The following CRTAC1 variants were observed in gnomAD, a reference collection of about 807,000 sequenced individuals.
CRTAC1 encodes the protein cartilage acidic protein 1.
A neutral mutation model predicts 67.8 loss-of-function variants in CRTAC1; 37 were observed. That is an observed-to-expected ratio of 0.55 (90% CI 0.42 to 0.72). The LOEUF is 0.72. Ranked by LOEUF, CRTAC1 falls within the 30% of genes least tolerant of loss-of-function variation. The pLI is 0.00. For synonymous variants in CRTAC1, 348 were observed against 371.0 expected, an observed-to-expected ratio of 0.94 and a Z score of 0.71; for missense variants, 780 against 931.6, an observed-to-expected ratio of 0.84 and a Z score of 2.12.
chr10:97,944,603 T>C (rs2051234973), intron 2 of CRTAC1, among the ~76,000 whole-genome samples: 1 of 152,194 alleles, frequency 6.6e-6, no homozygotes, highest in Non-Finnish European at 1.5e-5. Context: ...CTTTCTTCTC[T>C]GTATGCATGT....
chr10:97,996,905 GA>G (rs911722103), intron 2 of CRTAC1, among the ~76,000 whole-genome samples: 1 of 151,768 alleles, frequency 6.6e-6, no homozygotes, highest in African/African-American at 2.4e-5. Flanking sequence ...TATGCAGCCA[GA>G]AAAAAATGAT....
chr10:97,935,391 G>A (rs750530704), intron 3 of CRTAC1, among the ~76,000 whole-genome samples: 14 of 152,112 alleles, frequency 9.2e-5, no homozygotes, highest in East Asian at 1.9e-4. Flanking sequence ...ATCAATTTCC[G>A]TCATCCATTC....
chr10:98,006,577 G>A (rs1842795686), intron 2 of CRTAC1, among the ~76,000 whole-genome samples: 1 of 152,086 alleles, frequency 6.6e-6, no homozygotes, highest in African/African-American at 2.4e-5. Flanking sequence ...CCCGCAACAA[G>A]CTCAAAATCA....
At chr10:97,988,621 G>A (rs981783625) in intron 2 of CRTAC1, among the ~76,000 whole-genome samples, 1 of 152,210 alleles carries the variant, frequency 6.6e-6, no homozygotes, top group East Asian at 1.9e-4. Flanking sequence ...TCGGGAGGCT[G>A]AGGCAAGAGA....
At chr10:98,008,794 G>A (rs1842849685) in intron 2 of CRTAC1, among the ~76,000 whole-genome samples, 1 of 152,140 alleles carries the variant, frequency 6.6e-6, no homozygotes, top group South Asian at 2.1e-4. Context: ...CAACTTGGGG[G>A]GCGAGGAGGA....
At chr10:97,965,046 C>T (rs998656449) in intron 2 of CRTAC1, among the ~76,000 whole-genome samples, 12 of 152,074 alleles carry the variant, frequency 7.9e-5, no homozygotes, top group African/African-American at 2.4e-4. Context: ...TGGAAGGTGA[C>T]GCTGATGGGC....
intron 1 of CRTAC1, among the ~76,000 whole-genome samples, chr10:98,013,005 A>G (rs565536061): frequency 7.2e-5 from 11 of 152,360 alleles, no homozygotes; most frequent in Middle Eastern, 3.4e-3. Flanking sequence ...GAAACTCATA[A>G]TTGGATTAAT....
intron 14 of CRTAC1, among the ~76,000 whole-genome samples, chr10:97,876,158 T>A (rs17108650): frequency 2.0e-5 from 3 of 152,030 alleles, no homozygotes; most frequent in African/African-American, 7.3e-5. Context: ...CAATTCACCA[T>A]CCCAAATGAA....
chr10:97,936,044 G>C (rs905617069), intron 3 of CRTAC1, 126 bp downstream of exon 3: 4 of 845,394 alleles, frequency 4.7e-6, no homozygotes, highest in South Asian at 1.9e-5. Flanking sequence ...GTGGCAGCAG[G>C]GGGCAGTGCC....
chr10:97,973,361 G>C (rs1049538481), intron 2 of CRTAC1, among the ~76,000 whole-genome samples: 14 of 152,046 alleles, frequency 9.2e-5, no homozygotes, highest in Non-Finnish European at 1.3e-4. Flanking sequence ...CTGTGGAAAT[G>C]CTCTTTTTCG....
chr10:97,904,780 G>A lies in CRTAC1; in HGVS notation c.885C>T (p.Val295=), dbSNP rs750926336. Residue 295 remains valine, a synonymous_variant, in exon 7 of 15, where the codon GTC becomes GTT. Coordinates refer to ENST00000370597, the MANE Select transcript of CRTAC1 (RefSeq NM_018058.7). ...VDDPHQHGRG[V]ALADFNRDGK... is the part of the protein sequence containing the mutation. ...CATCACGGTTGAAGTCAGCCAGGGC[G>A]ACACCTCGCCCATGCTGGTGGGGGT... 11 of 1,603,586 alleles carry A rather than the reference G, an allele frequency of 6.9e-6. No individual in the cohort carries two copies. The highest frequency in any genetic ancestry group is 1.1e-5 in the South Asian group (1 of 89,422).
chr10:97,880,340 T>C lies in CRTAC1; in HGVS notation c.1728A>G (p.Val576=), dbSNP rs1208840608. The change falls in exon 14 of 15, where the codon GTA becomes GTG. Residue 576 remains valine, a synonymous_variant. Coordinates refer to ENST00000370597, the MANE Select transcript of CRTAC1 (RefSeq NM_018058.7). Reference sequence around the variant, plus strand: ...TGTAGCTTCCATAGGTGTTGACACATACGGGCTTGTCTCGAGGGCACACGA... The same window carrying C: ...TGTAGCTTCCATAGGTGTTGACACACACGGGCTTGTCTCGAGGGCACACGA... ...FPFVCPRDKP[V]CVNTYGSYRC... 1 of 1,614,092 alleles carries C rather than the reference T, an allele frequency of 6.2e-7. No homozygotes were observed. The highest frequency in any genetic ancestry group is 8.5e-7 in the Non-Finnish European group (1 of 1,180,016).
intron 13 of CRTAC1, among the ~76,000 whole-genome samples, chr10:97,882,102 T>C (rs2136539307): frequency 6.6e-6 from 1 of 152,332 alleles, no homozygotes; most frequent in East Asian, 1.9e-4. Context: ...AATGAGCAGC[T>C]GCAGAGTAGA....
At chr10:97,999,363 C>A (rs888533282) in intron 2 of CRTAC1, among the ~76,000 whole-genome samples, 42 of 152,240 alleles carry the variant, frequency 2.8e-4, no homozygotes, top group Non-Finnish European at 5.7e-4. Context: ...CTGTTGGCAC[C>A]TGCTTTAATC....
At chr10:97,924,910 G>A (rs2050891330) in intron 3 of CRTAC1, among the ~76,000 whole-genome samples, 2 of 152,176 alleles carry the variant, frequency 1.3e-5, no homozygotes, top group Non-Finnish European at 2.9e-5. Context: ...GAGTGAATGT[G>A]TGTGTGGATG....
At chr10:98,018,752 GA>G (rs1843056454) in intron 1 of CRTAC1, among the ~76,000 whole-genome samples, 1 of 152,132 alleles carries the variant, frequency 6.6e-6, no homozygotes, top group Non-Finnish European at 1.5e-5. Context: ...GACAAGCAGA[GA>G]ATACACAGCC....
At chr10:97,995,341 C>T (rs1215847366) in intron 2 of CRTAC1, among the ~76,000 whole-genome samples, 1 of 152,120 alleles carries the variant, frequency 6.6e-6, no homozygotes, top group Non-Finnish European at 1.5e-5. Flanking sequence ...TGTCTTATAC[C>T]CAAGACTTCC....
In CRTAC1 at chr10:97,884,245, G is replaced by A. The variant is rs376065378; in HGVS notation, c.1593C>T (p.Pro531=). Residue 531 remains proline (P), a synonymous_variant, in exon 12 of 15, where the codon CCC becomes CCT. Transcript: ENST00000370597. Reference sequence around the variant, plus strand: ...GGTCCTGAAGTGTGTCCTCATCCCGGGGGTAGAGGATCTCCAGCACTGAGT... The same window carrying A: ...GGTCCTGAAGTGTGTCCTCATCCCGAGGGTAGAGGATCTCCAGCACTGAGT... ...EMNSVLEILY[P]RDEDTLQDPA... The A allele has an allele frequency of 1.3e-6, 2 of 1,567,442 alleles. No homozygotes were observed.
chr10:97,927,993 G>A (rs1234075687), intron 3 of CRTAC1, among the ~76,000 whole-genome samples: 2 of 152,212 alleles, frequency 1.3e-5, no homozygotes, highest in African/African-American at 2.4e-5. Context: ...GCAGCTGCTC[G>A]GGAAGAGGTG....
Sources: gnomAD v4.1 joint callset for allele counts (sites outside exome capture counted in the v4.1 genomes callset) on GRCh38, gnomAD v4.1.1 for gene constraint, MANE v1.5 for transcripts, NCBI Gene and HGNC (gene_info 2026-07-23, HGNC 2026-07-21) for gene names.